TNNT3: variants seen among roughly 807,000 people sequenced by gnomAD.
TNNT3 encodes the protein troponin T, fast skeletal muscle.
In TNNT3, 36 loss-of-function variants were observed where a neutral mutation model predicts 54.2. The ratio of observed to expected loss-of-function variants is 0.66; its 90% CI spans 0.51 to 0.88. The LOEUF is 0.88. Among genes scored for constraint, TNNT3 ranks in the 40% least tolerant of loss-of-function variants. The probability of loss-of-function intolerance (pLI) is 0.00; values close to 1 mark genes in which losing one functional copy is unlikely to be tolerated. For missense variants in TNNT3, 291 were observed against 331.6 expected (o/e 0.88, Z 0.95); for synonymous variants, 120 against 109.7 (o/e 1.09, Z -0.59).
In TNNT3 at chr11:1,929,101, GC is replaced by G; in HGVS notation, c.83-17del. 1.9e-6 allele frequency: 3 copies of G among 1,613,346 alleles called. No individual in the cohort carries two copies. Among genetic ancestry groups the G allele is most frequent in the Non-Finnish European group, 2.5e-6 (3 of 1,179,956 alleles). ...GCTTTTCTCTTGCATGTGTGCTTGT[GC>G]CTTTTGCCACCTGGAAGACACCGCA... On this transcript the variant is annotated intron_variant, in intron 6 of 15. Coordinates refer to ENST00000278317, the MANE Select transcript of TNNT3 (RefSeq NM_006757.4).
At chr11:1,938,354 C>A in intron 15 of TNNT3, 84 bp from the exon 16 acceptor site, 1 of 1,498,476 alleles carries the variant, frequency 6.7e-7, no homozygotes, top group Non-Finnish European at 9.3e-7. Context: ...TGGGGTCGGG[C>A]TGAGAGTCCG....
At chr11:1,928,906 G>A in intron 6 of TNNT3, 1 of 648,908 alleles carries the variant, frequency 1.5e-6, no homozygotes, top group Non-Finnish European at 2.8e-6. Context: ...GAGCTCCACT[G>A]GGCACCCAGC....
chr11:1,936,836 C>T, intron 14 of TNNT3, 127 bp from the exon 15 acceptor site: 1 of 931,180 alleles, frequency 1.1e-6, no homozygotes, highest in Non-Finnish European at 1.7e-6. Flanking sequence ...GCCGAGGAGC[C>T]CTCATGGGGG....
At chr11:1,922,797 G>T (rs1267843330) in intron 1 of TNNT3, 60 bp from the exon 2 acceptor site, 2 of 1,550,702 alleles carry the variant, frequency 1.3e-6, no homozygotes, top group African/African-American at 1.4e-5. Flanking sequence ...CTACACCCAG[G>T]CAGCTCGTAA....
intron 11 of TNNT3, 58 bp from the exon 12 acceptor site, chr11:1,934,273 GC>G: frequency 2.6e-6 from 4 of 1,525,102 alleles, no homozygotes. Flanking sequence ...CCTAAAGCCT[GC>G]CCAGAAAGCA....
intron 6 of TNNT3, among the ~76,000 whole-genome samples, chr11:1,927,043 A>G (rs541834119): frequency 4.1e-4 from 63 of 152,286 alleles, no homozygotes; most frequent in African/African-American, 1.4e-3. Context: ...GCTGGGGTCC[A>G]CTGGGACCCT....
At chr11:1,925,217 CCT>C in intron 5 of TNNT3, 101 bp downstream of exon 5, 1 of 1,607,268 alleles carries the variant, frequency 6.2e-7, no homozygotes. Flanking sequence ...GCTGTGTGCC[CCT>C]GTCTAACCCT....
At chr11:1,936,392 T>C in intron 14 of TNNT3, 1 of 974,408 alleles carries the variant, frequency 1.0e-6, no homozygotes, top group Non-Finnish European at 1.6e-6. Context: ...GCCCCCGCTC[T>C]CCCCTCGTGC....
intron 15 of TNNT3, among the ~76,000 whole-genome samples, chr11:1,938,014 C>T (rs1855662125): frequency 6.6e-6 from 1 of 152,224 alleles, no homozygotes; most frequent in Non-Finnish European, 1.5e-5. Context: ...CTCCTCCCGG[C>T]TCGTGGCCAC....
At chr11:1,937,602 A>T (rs755525356) in intron 15 of TNNT3, among the ~76,000 whole-genome samples, 2 of 152,160 alleles carry the variant, frequency 1.3e-5, no homozygotes. Context: ...GGATCCTGTC[A>T]TGGAGCCCAG....
At chr11:1,931,465 G>T (rs1853324156) in intron 8 of TNNT3, among the ~76,000 whole-genome samples, 1 of 152,248 alleles carries the variant, frequency 6.6e-6, no homozygotes, top group East Asian at 1.9e-4. Context: ...TTACATTGCA[G>T]CCTCTGATGG....
At chr11:1,921,765 G>C (rs1369794742) in intron 1 of TNNT3, 2 of 152,362 alleles carry the variant, frequency 1.3e-5, no homozygotes. Flanking sequence ...CTCCCAGGGG[G>C]GACCGTAGCT....
At chr11:1,929,183 G>C (rs1212105789) in intron 7 of TNNT3, 40 bp downstream of exon 7, 1 of 1,610,152 alleles carries the variant, frequency 6.2e-7, no homozygotes, top group Non-Finnish European at 8.5e-7. Flanking sequence ...CAGGACCCTG[G>C]CTCTAGCCGA....
intron 1 of TNNT3, among the ~76,000 whole-genome samples, chr11:1,922,479 G>A (rs959036710): frequency 3.3e-5 from 5 of 152,168 alleles, no homozygotes; most frequent in Admixed American, 6.5e-5. Flanking sequence ...TGTCTAGAGC[G>A]GGCTGGACGG....
chr11:1,929,310 G>T lies in TNNT3; in HGVS notation c.106+167G>T, dbSNP rs184907842. Among the ~76,000 whole-genome samples the T allele has an allele frequency of 2.0e-5, 3 of 152,334 alleles. No homozygotes were observed. In the East Asian group the frequency reaches 5.8e-4, roughly 29 times the overall value. On this transcript the variant is annotated intron_variant, in intron 7 of 15. Transcript: ENST00000278317. ...AGGGCCAGGCCTTGCTGCTCCGCACGGTGCCGCTGGGGTCGAGCTGCCAGG... is the reference window on the plus strand; with the variant it reads ...AGGGCCAGGCCTTGCTGCTCCGCACTGTGCCGCTGGGGTCGAGCTGCCAGG...
At chr11:1,925,514 A>G in intron 5 of TNNT3, 2 of 612,608 alleles carry the variant, frequency 3.3e-6, no homozygotes, top group Non-Finnish European at 5.8e-6. Flanking sequence ...AGGGCCAGGG[A>G]CTCCCCAGGC....
intron 1 of TNNT3, 186 bp from the exon 2 acceptor site, chr11:1,922,671 C>T: frequency 1.6e-6 from 1 of 643,674 alleles, no homozygotes; most frequent in South Asian, 1.7e-5. Flanking sequence ...TGGGAGGGGC[C>T]AGGAGCCCTG....
chr11:1,934,322 G>T lies in TNNT3; in HGVS notation c.367-10G>T, dbSNP rs773741256. On this transcript the variant is annotated splice_polypyrimidine_tract_variant and intron_variant, in intron 11 of 15. Coordinates refer to ENST00000278317, the MANE Select transcript of TNNT3 (RefSeq NM_006757.4). ...CATCCCTGAGCATCTTGGGAATGGG[G>T]TCTCCACAGGAGGAAAAGGCCAGAA... The T allele has an allele frequency of 6.2e-7, 1 of 1,610,460 alleles. No individual in the cohort carries two copies.
intron 11 of TNNT3, 71 bp downstream of exon 11, chr11:1,934,079 A>C: frequency 1.3e-6 from 2 of 1,490,068 alleles, no homozygotes; most frequent in South Asian, 1.2e-5. Context: ...CAGGGGGCTG[A>C]GGCCTTCCTT....
Sources: allele counts gnomAD v4.1 joint callset (sites outside exome capture counted in the v4.1 genomes callset), GRCh38; gene constraint gnomAD v4.1.1; transcripts MANE v1.5; gene names NCBI Gene and HGNC (gene_info 2026-07-23, HGNC 2026-07-21).